Variants in DCC observed in about 807,000 individuals in gnomAD.
DCC encodes netrin receptor DCC.
A neutral mutation model predicts 172.5 loss-of-function variants in DCC; 58 were observed. The observed-to-expected ratio is 0.34, with a 90% CI of 0.27 to 0.42. The LOEUF (loss-of-function observed/expected upper bound fraction) is 0.42, where lower values mean the gene tolerates loss of function less well. Among genes scored for constraint, DCC ranks in the 10% least tolerant of loss-of-function variants. The pLI, the probability that DCC is intolerant of heterozygous loss-of-function variation, is 1.00. For synonymous variants in DCC, 709 were observed against 644.5 expected (o/e 1.10, Z -1.52); for missense variants, 1,740 against 1,791.0 (o/e 0.97, Z 0.51).
intron 12 of DCC, among the ~76,000 whole-genome samples, chr18:53,299,490 C>T (rs529203991): frequency 4.6e-5 from 7 of 152,294 alleles, no homozygotes; most frequent in South Asian, 4.1e-4. Context: ...CCAACCCCTC[C>T]GTGAACTCCA....
intron 14 of DCC, among the ~76,000 whole-genome samples, chr18:53,339,129 G>A (rs1195911784): frequency 6.6e-6 from 1 of 152,154 alleles, no homozygotes; most frequent in Admixed American, 6.6e-5. Flanking sequence ...AGGTCCAAAG[G>A]TTGTGAGGCT....
At chr18:53,276,621 C>G (rs2056809107) in intron 12 of DCC, among the ~76,000 whole-genome samples, 2 of 152,000 alleles carry the variant, frequency 1.3e-5, no homozygotes. Context: ...AAAGCTGAAC[C>G]AGTATGATTA....
chr18:52,802,761 C>T (rs1221555414), intron 2 of DCC, among the ~76,000 whole-genome samples: 2 of 145,244 alleles, frequency 1.4e-5, no homozygotes, highest in Admixed American at 7.1e-5. Flanking sequence ...TAGCCTCAGC[C>T]TCCCAAAGTG....
intron 2 of DCC, among the ~76,000 whole-genome samples, chr18:52,800,420 A>G (rs1347532299): frequency 6.6e-6 from 1 of 152,200 alleles, no homozygotes; most frequent in Non-Finnish European, 1.5e-5. Context: ...ACAAAATGAC[A>G]TTTCCAGTGA....
intron 1 of DCC, among the ~76,000 whole-genome samples, chr18:52,572,113 G>A (rs528957310): frequency 2.2e-4 from 33 of 152,288 alleles, no homozygotes; most frequent in African/African-American, 7.5e-4. Flanking sequence ...AACATCCAAA[G>A]TCATATTATG....
intron 1 of DCC, among the ~76,000 whole-genome samples, chr18:52,588,559 A>G (rs2033727951): frequency 1.3e-5 from 2 of 152,222 alleles, no homozygotes; most frequent in Admixed American, 1.3e-4. Flanking sequence ...TAATTACATG[A>G]ATGAACACAT....
At chr18:52,489,010 T>G (rs545046329) in intron 1 of DCC, among the ~76,000 whole-genome samples, 1 of 152,070 alleles carries the variant, frequency 6.6e-6, no homozygotes, top group East Asian at 1.9e-4. Flanking sequence ...ATGGTCCTTG[T>G]GGTATCATGA....
At chr18:52,643,660 G>A (rs761121930) in intron 1 of DCC, among the ~76,000 whole-genome samples, 1 of 152,144 alleles carries the variant, frequency 6.6e-6, no homozygotes, top group Non-Finnish European at 1.5e-5. Context: ...TCTGTGCCAT[G>A]GCCCACATTC....
chr18:52,481,193 G>T (rs1288665191), intron 1 of DCC, among the ~76,000 whole-genome samples: 1 of 152,034 alleles, frequency 6.6e-6, no homozygotes, highest in Non-Finnish European at 1.5e-5. Flanking sequence ...ACTTTCTCAG[G>T]CTTAGGTATT....
At chr18:52,929,770 T>C (rs906281104) in intron 5 of DCC, among the ~76,000 whole-genome samples, 1 of 151,222 alleles carries the variant, frequency 6.6e-6, no homozygotes, top group Non-Finnish European at 1.5e-5. Flanking sequence ...TCAGAAAATA[T>C]TGAGATTATG....
At position 53,391,753 on chromosome 18, in the gene DCC, G is replaced by A. The variant is rs767458713; in HGVS notation, c.2554G>A (p.Ala852Thr). The change falls in exon 17 of 29, where the codon GCT becomes ACT. Residue 852 changes from alanine to threonine, a missense_variant. Physicochemically the swap from Ala to Thr is moderately conservative, Grantham distance 58. Transcript: ENST00000442544. ...CATGCTCCCACCAGTAGGTGTACAG[G>A]CTGTGGCTCTTACCCATGATGCTGT... ...TPMLPPVGVQ[A>T]VALTHDAVRV... is the part of the protein sequence containing the mutation. 1 of 1,614,000 alleles carries A rather than the reference G, an allele frequency of 6.2e-7. No individual in the cohort carries two copies. Among genetic ancestry groups the A allele is most frequent in the Non-Finnish European group, 8.5e-7 (1 of 1,179,914 alleles).
chr18:52,747,925 C>T (rs1038059717), intron 1 of DCC, among the ~76,000 whole-genome samples: 2 of 152,198 alleles, frequency 1.3e-5, no homozygotes, highest in African/African-American at 2.4e-5. Flanking sequence ...TGCCGCTTCG[C>T]CAGCCGGAAA....
chr18:52,545,746 A>G (rs1164709756), intron 1 of DCC, among the ~76,000 whole-genome samples: 2 of 152,154 alleles, frequency 1.3e-5, no homozygotes, highest in Non-Finnish European at 2.9e-5. Flanking sequence ...TCTTGAGACC[A>G]GGGGTCATAT....
At chr18:52,747,211 G>C (rs962275650) in intron 1 of DCC, among the ~76,000 whole-genome samples, 1 of 152,154 alleles carries the variant, frequency 6.6e-6, no homozygotes, top group Non-Finnish European at 1.5e-5. Flanking sequence ...TAATGGATGA[G>C]ATTTGGGAAC....
At chr18:52,798,166 C>T (rs780866409) in intron 2 of DCC, among the ~76,000 whole-genome samples, 2 of 150,760 alleles carry the variant, frequency 1.3e-5, no homozygotes, top group Non-Finnish European at 2.9e-5. Flanking sequence ...CTGTCAATAC[C>T]CAGGCCTCGA....
At chr18:52,652,741 G>GTGTGTGTGTGTGTGTGTGTGTGTGTGTGT (rs1555709976) in intron 1 of DCC, among the ~76,000 whole-genome samples, 2 of 43,074 alleles carry the variant, frequency 4.6e-5, no homozygotes, top group African/African-American at 1.2e-4. Flanking sequence ...TGTGTGTGTG[G>GTGTGTGTGTGTGTGTGTGTGTGTGTGTGT]GTGGAGGAGG....
At chr18:53,305,544 T>C in intron 12 of DCC, 34 bp from the exon 13 acceptor site, 1 of 1,580,938 alleles carries the variant, frequency 6.3e-7, no homozygotes, top group Non-Finnish European at 8.7e-7. Flanking sequence ...CCTTTCTTTC[T>C]TCAATGTTTT....
intron 2 of DCC, among the ~76,000 whole-genome samples, chr18:52,898,179 G>A (rs1015536294): frequency 4.6e-5 from 7 of 152,308 alleles, no homozygotes; most frequent in Middle Eastern, 3.4e-3. Context: ...AAAGCAAGGC[G>A]TGTTTCCAAC....
At chr18:53,063,509 A>C in intron 6 of DCC, 50 bp downstream of exon 6, 1 of 1,388,956 alleles carries the variant, frequency 7.2e-7, no homozygotes, top group African/African-American at 1.5e-5. Flanking sequence ...ATTGTTTTCT[A>C]TTTTTTTCAC....
Sources: gnomAD v4.1 joint callset for allele counts (sites outside exome capture counted in the v4.1 genomes callset) on GRCh38, gnomAD v4.1.1 for gene constraint, MANE v1.5 for transcripts, NCBI Gene and HGNC (gene_info 2026-07-23, HGNC 2026-07-21) for gene names.